The following ADRA1B variants were observed in gnomAD, a reference collection of about 807,000 sequenced individuals.
The protein encoded by ADRA1B is adrenoceptor alpha 1B, also known as alpha-1B adrenergic receptor.
Under a neutral mutation model 17.9 loss-of-function variants are expected in ADRA1B, and 17 were observed. That is an observed-to-expected ratio of 0.95 (90% CI 0.65 to 1.42). The LOEUF (loss-of-function observed/expected upper bound fraction) is 1.42, where lower values mean the gene tolerates loss of function less well. Ranked by LOEUF, ADRA1B falls within the 40% of genes most tolerant of loss-of-function variation. The probability of loss-of-function intolerance (pLI) is 0.00; values close to 1 mark genes in which losing one functional copy is unlikely to be tolerated. For missense variants in ADRA1B, 681 were observed against 722.1 expected (o/e 0.94, Z 0.65); for synonymous variants, 366 against 327.6 (o/e 1.12, Z -1.27).
At chr5:159,945,605 A>G (rs1755247019) in intron 1 of ADRA1B, among the ~76,000 whole-genome samples, 1 of 152,204 alleles carries the variant, frequency 6.6e-6, no homozygotes, top group Non-Finnish European at 1.5e-5. Context: ...ATGATGTCAG[A>G]CAGGAAGGAA....
Position 159,972,846 on chromosome 5 carries a change from G to T in ADRA1B, c.*354G>T, listed in dbSNP as rs951951372. On this transcript the variant is annotated 3_prime_UTR_variant, in exon 2 of 2. Coordinates refer to ENST00000306675, the MANE Select transcript of ADRA1B (RefSeq NM_000679.4). Reference sequence around the variant, plus strand: ...GCGTGTGTTCCGCTTGTGTGTGTGCGTGGGGCCGCCCTGTGAGGGCGCGGC... The same window carrying T: ...GCGTGTGTTCCGCTTGTGTGTGTGCTTGGGGCCGCCCTGTGAGGGCGCGGC... Among the ~76,000 whole-genome samples, 1 of 152,206 alleles carries T rather than the reference G, an allele frequency of 6.6e-6. No individual in the cohort carries two copies. The highest frequency in any genetic ancestry group is 2.4e-5 in the African/African-American group (1 of 41,460).
At chr5:159,954,506 A>G (rs1229406453) in intron 1 of ADRA1B, among the ~76,000 whole-genome samples, 1 of 152,200 alleles carries the variant, frequency 6.6e-6, no homozygotes, top group East Asian at 1.9e-4. Context: ...AATGGATTTT[A>G]GGAGGACAAT....
chr5:159,903,859 C>T (rs776657871), intron 1 of ADRA1B, among the ~76,000 whole-genome samples: 1 of 152,006 alleles, frequency 6.6e-6, no homozygotes, highest in Non-Finnish European at 1.5e-5. Context: ...CGCCTGGGCC[C>T]GACAGGTGGA....
At chr5:159,957,929 CAAAAAAAAAA>C (rs35956137) in intron 1 of ADRA1B, among the ~76,000 whole-genome samples, 1 of 66,848 alleles carries the variant, frequency 1.5e-5, no homozygotes, top group Non-Finnish European at 2.7e-5. Flanking sequence ...AACCCCATCT[CAAAAAAAAAA>C]AAAAAAAAAA....
rs928795355 is a variant in ADRA1B at position 159,950,954 on chromosome 5, G to A, written c.950-20925G>A. ...GAGGCCATCCACAATCTTCTGGGTG[G>A]CAGTGATGGCGTGGACTGTATTCTG... On this transcript the variant is annotated intron_variant, in intron 1 of 1. Coordinates refer to ENST00000306675, the MANE Select transcript of ADRA1B (RefSeq NM_000679.4). The A allele has an allele frequency of 8.6e-6, 5 of 580,200 alleles. No homozygotes were observed. The African/African-American group carries it at 9.1e-5, about 11-fold the overall frequency. The allele number at this position is 580,200 out of a possible 1,614,324, so 35.9% of individuals were successfully genotyped here.
upstream of ADRA1B, among the ~76,000 whole-genome samples, chr5:159,914,286 C>T (rs985790203): frequency 5.3e-5 from 8 of 152,124 alleles, no homozygotes; most frequent in African/African-American, 1.9e-4. Context: ...TCTCACACCC[C>T]ACTGTGTAGG....
At chr5:159,934,676 G>A (rs1754905125) in intron 1 of ADRA1B, among the ~76,000 whole-genome samples, 1 of 151,960 alleles carries the variant, frequency 6.6e-6, no homozygotes, top group African/African-American at 2.4e-5. Context: ...ATGGTGGCAG[G>A]CACCTGTAAT....
chr5:159,904,833 A>G (rs1311294706), intron 1 of ADRA1B, among the ~76,000 whole-genome samples: 1 of 152,254 alleles, frequency 6.6e-6, no homozygotes, highest in Non-Finnish European at 1.5e-5. Flanking sequence ...TCATCCTTGT[A>G]TGAACTTCAG....
At chr5:159,951,629 C>T in intron 1 of ADRA1B, 1 of 381,896 alleles carries the variant, frequency 2.6e-6, no homozygotes, top group African/African-American at 2.1e-5. Flanking sequence ...GAGACAGGGG[C>T]AAAGAATGCA....
intron 1 of ADRA1B, among the ~76,000 whole-genome samples, chr5:159,875,264 C>T (rs1348715073): frequency 6.6e-6 from 1 of 152,098 alleles, no homozygotes; most frequent in African/African-American, 2.4e-5. Context: ...TTGCAGATGT[C>T]CTACCTTAAT....
chr5:159,902,145 A>G (rs999642199), intron 1 of ADRA1B, among the ~76,000 whole-genome samples: 1 of 152,218 alleles, frequency 6.6e-6, no homozygotes, highest in African/African-American at 2.4e-5. Context: ...TATACACACA[A>G]TGGAATATTA....
At chr5:159,914,359 A>C (rs1483636298), upstream of ADRA1B, among the ~76,000 whole-genome samples, 1 of 152,156 alleles carries the variant, frequency 6.6e-6, no homozygotes, top group African/African-American at 2.4e-5. Flanking sequence ...AGAGTTTCCT[A>C]ACCAGCTCTG....
chr5:159,881,557 T>A (rs1452519650), intron 1 of ADRA1B, among the ~76,000 whole-genome samples: 1 of 152,130 alleles, frequency 6.6e-6, no homozygotes, highest in Admixed American at 6.5e-5. Context: ...AGGAATTGAT[T>A]GGTCAAGTGG....
chr5:159,960,389 G>A (rs1755645096), intron 1 of ADRA1B, among the ~76,000 whole-genome samples: 1 of 152,228 alleles, frequency 6.6e-6, no homozygotes, highest in South Asian at 2.1e-4. Flanking sequence ...AGGAGTCACT[G>A]GAGGATTGGG....
In ADRA1B at chr5:159,972,280, G is replaced by A. The variant is rs1462666587; in HGVS notation, c.1351G>A (p.Gly451Ser). ...CGCCTTCCCCGAGTGGAAGGCGCCC[G>A]GCGCCCTCCTGAGCCTGCCCGCGCC... is the stretch of plus-strand genomic sequence containing the variant. ...LCAFPEWKAPGALLSLPAPEP... is the reference protein window; with the variant it reads ...LCAFPEWKAPSALLSLPAPEP... Residue 451 changes from glycine to serine, a missense_variant, in exon 2 of 2, where the codon GGC becomes AGC. Gly to Ser is a moderately conservative substitution (Grantham distance 56). Coordinates refer to ENST00000306675, the MANE Select transcript of ADRA1B (RefSeq NM_000679.4). 7.3e-6 allele frequency: 10 copies of A among 1,368,200 alleles called. No homozygotes were observed. Among genetic ancestry groups the A allele is most frequent in the Non-Finnish European group, 9.4e-6 (10 of 1,063,218 alleles). 84.8% of individuals were successfully genotyped at this position (1,368,200 alleles called of 1,614,324 possible). A position where few individuals can be genotyped will look rare whatever the true frequency, so the allele number is the denominator to read the frequency against.
At chr5:159,935,014 G>T (rs555736687) in intron 1 of ADRA1B, among the ~76,000 whole-genome samples, 3 of 152,094 alleles carry the variant, frequency 2.0e-5, no homozygotes, top group Non-Finnish European at 4.4e-5. Context: ...TTTCATAAAC[G>T]TCAGCTATTA....
intron 1 of ADRA1B, chr5:159,947,571 C>T: frequency 2.9e-6 from 1 of 350,218 alleles, no homozygotes; most frequent in Non-Finnish European, 4.0e-6. Flanking sequence ...CAATAAGCCT[C>T]ATTTCTTTTA....
At chr5:159,919,586 A>C (rs1754420800) in intron 1 of ADRA1B, among the ~76,000 whole-genome samples, 2 of 152,278 alleles carry the variant, frequency 1.3e-5, no homozygotes, top group Admixed American at 1.3e-4. Context: ...AGCTATGAGC[A>C]GTACAAACCA....
At chr5:159,971,696 T>A (rs1175968648) in intron 1 of ADRA1B, among the ~76,000 whole-genome samples, 183 bp from the exon 2 acceptor site, 1 of 152,120 alleles carries the variant, frequency 6.6e-6, no homozygotes, top group Non-Finnish European at 1.5e-5. Context: ...AAAATGAATG[T>A]AGGATTCATT....
Sources: gnomAD v4.1 joint callset for allele counts (sites outside exome capture counted in the v4.1 genomes callset) on GRCh38, gnomAD v4.1.1 for gene constraint, MANE v1.5 for transcripts, NCBI Gene and HGNC (gene_info 2026-07-23, HGNC 2026-07-21) for gene names.